The following RPS6KA5 variants were observed in gnomAD, a reference collection of about 807,000 sequenced individuals.
RPS6KA5 encodes ribosomal protein S6 kinase alpha-5.
In RPS6KA5, 27 loss-of-function variants were observed where a neutral mutation model predicts 85.5. The observed-to-expected ratio is 0.32, with a 90% CI of 0.23 to 0.44. The LOEUF (loss-of-function observed/expected upper bound fraction) is 0.44, where lower values mean the gene tolerates loss of function less well. Among genes scored for constraint, RPS6KA5 ranks in the 20% least tolerant of loss-of-function variants. The pLI is 1.00. For missense variants in RPS6KA5, 811 were observed against 980.9 expected, an observed-to-expected ratio of 0.83 and a Z score of 2.31; for synonymous variants, 334 against 348.2, an observed-to-expected ratio of 0.96 and a Z score of 0.46.
intron 1 of RPS6KA5, among the ~76,000 whole-genome samples, chr14:91,039,935 T>TA (rs138247869): frequency 0.02 from 3,092 of 152,320 alleles, 35 homozygotes; most frequent in Non-Finnish European, 0.028. Flanking sequence ...ACACTGAACT[T>TA]AGACTATGGT....
chr14:90,921,418 T>TA (rs1886371345), intron 6 of RPS6KA5, among the ~76,000 whole-genome samples: 2 of 152,198 alleles, frequency 1.3e-5, no homozygotes, highest in African/African-American at 4.8e-5. Context: ...GCACCTTAGG[T>TA]ATGTAGAAAT....
chr14:90,882,560 T>C (rs989102928), intron 14 of RPS6KA5, among the ~76,000 whole-genome samples: 3 of 152,218 alleles, frequency 2.0e-5, no homozygotes, highest in Admixed American at 1.3e-4. Flanking sequence ...AGAGCGGCGT[T>C]AGTGGTAATG....
chr14:90,932,235 C>T (rs779601411), intron 5 of RPS6KA5, among the ~76,000 whole-genome samples: 1 of 152,080 alleles, frequency 6.6e-6, no homozygotes, highest in Non-Finnish European at 1.5e-5. Context: ...GCAATCCTCC[C>T]AGCTCAGCCT....
chr14:91,023,271 G>A (rs1173800726), intron 1 of RPS6KA5, among the ~76,000 whole-genome samples: 9 of 151,670 alleles, frequency 5.9e-5, no homozygotes, highest in Non-Finnish European at 5.9e-5. Flanking sequence ...TATTCTCTGA[G>A]CTCTTGAGTG....
intron 13 of RPS6KA5, among the ~76,000 whole-genome samples, chr14:90,891,798 G>A (rs1338421010): frequency 6.6e-6 from 1 of 152,120 alleles, no homozygotes; most frequent in Non-Finnish European, 1.5e-5. Context: ...CTGAAGCCAC[G>A]GCTGGGGTTG....
At chr14:90,904,194 C>T (rs968022409) in intron 8 of RPS6KA5, among the ~76,000 whole-genome samples, 1 of 152,084 alleles carries the variant, frequency 6.6e-6, no homozygotes, top group African/African-American at 2.4e-5. Flanking sequence ...AGTGATCCGC[C>T]CACCTTGGCC....
intron 3 of RPS6KA5, among the ~76,000 whole-genome samples, chr14:90,959,899 T>C (rs933144026): frequency 2.0e-5 from 3 of 152,210 alleles, no homozygotes; most frequent in African/African-American, 7.2e-5. Flanking sequence ...GAAAGGTTCC[T>C]ATCAAGTTTA....
chr14:90,921,018 C>G (rs2036376602), intron 6 of RPS6KA5, among the ~76,000 whole-genome samples: 1 of 152,128 alleles, frequency 6.6e-6, no homozygotes, highest in Admixed American at 6.6e-5. Context: ...AGGCGTGAGC[C>G]ACCATGCCTG....
chr14:91,049,324 A>G (rs1294435474), intron 1 of RPS6KA5, among the ~76,000 whole-genome samples: 1 of 152,220 alleles, frequency 6.6e-6, no homozygotes, highest in African/African-American at 2.4e-5. Flanking sequence ...TGAAAAAAAG[A>G]GACAAGTCGG....
At chr14:90,874,328 G>A (rs575864124) in intron 15 of RPS6KA5, among the ~76,000 whole-genome samples, 9 of 152,346 alleles carry the variant, frequency 5.9e-5, no homozygotes, top group Admixed American at 5.9e-4. Flanking sequence ...GTAGCCTAGG[G>A]AGTGAGGGCA....
chr14:90,958,010 C>G (rs546030526), intron 3 of RPS6KA5, among the ~76,000 whole-genome samples: 1 of 151,994 alleles, frequency 6.6e-6, no homozygotes, highest in Non-Finnish European at 1.5e-5. Context: ...TAAAAATAGC[C>G]AGGCATGTAG....
chr14:90,919,599 T>C lies in RPS6KA5; in HGVS notation c.806+607A>G, dbSNP rs551323792. Reference sequence around the variant, plus strand: ...CCTCAAATATTTACGGCATTCTATATAGCAAGTACTGAGAATCAAAGCCAG... The same window carrying C: ...CCTCAAATATTTACGGCATTCTATACAGCAAGTACTGAGAATCAAAGCCAG... On this transcript the variant is annotated intron_variant, in intron 7 of 16. Transcript: ENST00000614987. Among the ~76,000 whole-genome samples, 13 of 152,304 alleles carry C rather than the reference T, an allele frequency of 8.5e-5. No homozygotes were observed. In the East Asian group the frequency reaches 2.5e-3, roughly 29 times the overall value.
chr14:90,939,116 C>T (rs1469666371), intron 5 of RPS6KA5, among the ~76,000 whole-genome samples: 1 of 152,218 alleles, frequency 6.6e-6, no homozygotes, highest in Non-Finnish European at 1.5e-5. Flanking sequence ...GCCAGATACC[C>T]TAAATCACCT....
chr14:90,943,370 A>T (rs1453795219), intron 4 of RPS6KA5, among the ~76,000 whole-genome samples, 185 bp from the exon 5 acceptor site: 1 of 151,192 alleles, frequency 6.6e-6, no homozygotes, highest in Non-Finnish European at 1.5e-5. Flanking sequence ...CGTTCTCTGG[A>T]CCTCTCCAAC....
chr14:91,004,837 G>A (rs1204878927), intron 1 of RPS6KA5, among the ~76,000 whole-genome samples: 2 of 151,862 alleles, frequency 1.3e-5, no homozygotes, highest in East Asian at 1.9e-4. Flanking sequence ...GCATGGTGGC[G>A]GGCGCCTGTA....
At chr14:90,910,419 G>A (rs140068157) in intron 7 of RPS6KA5, among the ~76,000 whole-genome samples, 172 of 152,192 alleles carry the variant, frequency 1.1e-3, no homozygotes, top group Middle Eastern at 3.4e-3. Flanking sequence ...AGATACATAG[G>A]CAGACAGGAA....
At chr14:91,008,395 A>G (rs796790389) in intron 1 of RPS6KA5, among the ~76,000 whole-genome samples, 19 of 152,356 alleles carry the variant, frequency 1.2e-4, no homozygotes, top group African/African-American at 4.6e-4. Context: ...GTAAGTTAAT[A>G]AACAGGCCTG....
chr14:90,990,291 T>G (rs1220681549), intron 2 of RPS6KA5, among the ~76,000 whole-genome samples: 1 of 152,142 alleles, frequency 6.6e-6, no homozygotes, highest in East Asian at 1.9e-4. Flanking sequence ...TCAACATCAC[T>G]AATCATCAGA....
At chr14:90,986,497 T>C (rs1286063) in intron 2 of RPS6KA5, among the ~76,000 whole-genome samples, 31,626 of 151,938 alleles carry the variant, frequency 0.21, 3,498 homozygotes, top group East Asian at 0.32. Flanking sequence ...AAGACTAAGA[T>C]GCATATTCAT....
Sources: allele counts gnomAD v4.1 joint callset (sites outside exome capture counted in the v4.1 genomes callset), GRCh38; gene constraint gnomAD v4.1.1; transcripts MANE v1.5; gene names NCBI Gene and HGNC (gene_info 2026-07-23, HGNC 2026-07-21).